The following ATP8A2 variants were observed in gnomAD, a reference collection of about 807,000 sequenced individuals.
The protein encoded by ATP8A2 is ATPase phospholipid transporting 8A2.
In ATP8A2, 100 loss-of-function variants were observed where a neutral mutation model predicts 165.6. The observed-to-expected ratio is 0.60, with a 90% CI of 0.51 to 0.71. ATP8A2 has a LOEUF of 0.71. Ranked by LOEUF, ATP8A2 falls within the 30% of genes least tolerant of loss-of-function variation. The pLI, the probability that ATP8A2 is intolerant of heterozygous loss-of-function variation, is 0.00. For synonymous variants in ATP8A2, 543 were observed against 548.8 expected (o/e 0.99, Z 0.15); for missense variants, 1,227 against 1,479.5 (o/e 0.83, Z 2.80).
intron 27 of ATP8A2, among the ~76,000 whole-genome samples, chr13:25,819,423 GTTA>G (rs1951109566): frequency 6.6e-6 from 1 of 152,058 alleles, no homozygotes; most frequent in South Asian, 2.1e-4. Context: ...TACTACTACT[GTTA>G]TTATTATTCC....
rs34018109 is a variant in ATP8A2 at position 25,551,513 on chromosome 13, G to A, written c.1057+10G>A. 517,718 of 1,590,940 alleles carry A rather than the reference G, an allele frequency of 0.33. 90,510 individuals are homozygous for A. Among genetic ancestry groups the A allele is most frequent in the Non-Finnish European group, 0.36 (422,126 of 1,163,356 alleles). Reference sequence around the variant, plus strand: ...TACATCAAGAAGATGGGTAAGTGTCGGGGTGGGTTGCTTGTTCCAGTGGAA... The same window carrying A: ...TACATCAAGAAGATGGGTAAGTGTCAGGGTGGGTTGCTTGTTCCAGTGGAA... On this transcript the variant is annotated intron_variant, in intron 11 of 36. Coordinates refer to ENST00000381655, the MANE Select transcript of ATP8A2 (RefSeq NM_016529.6).
At chr13:25,570,542 C>G (rs1486408073) in intron 16 of ATP8A2, among the ~76,000 whole-genome samples, 1 of 152,192 alleles carries the variant, frequency 6.6e-6, no homozygotes, top group Non-Finnish European at 1.5e-5. Flanking sequence ...AGCGCAGGAG[C>G]TGCATTCCAA....
intron 33 of ATP8A2, among the ~76,000 whole-genome samples, chr13:25,940,110 T>A (rs1536294): frequency 1.3e-5 from 2 of 151,904 alleles, no homozygotes; most frequent in East Asian, 1.9e-4. Context: ...GCGCTGGCAG[T>A]TGGGCTCTCC....
intron 23 of ATP8A2, among the ~76,000 whole-genome samples, chr13:25,584,542 A>G (rs1185503224): frequency 1.3e-5 from 2 of 152,352 alleles, no homozygotes; most frequent in East Asian, 3.9e-4. Context: ...GGCAAGTGCC[A>G]GGCACTATAC....
At chr13:25,532,797 GCTGGGA>G (rs1306994722) in intron 5 of ATP8A2, among the ~76,000 whole-genome samples, 1 of 151,980 alleles carries the variant, frequency 6.6e-6, no homozygotes, top group Non-Finnish European at 1.5e-5. Context: ...CTCTTGAGTA[GCTGGGA>G]CTACAGGCAA....
chr13:25,983,835 A>T (rs55705099), intron 35 of ATP8A2, among the ~76,000 whole-genome samples: 1 of 152,182 alleles, frequency 6.6e-6, no homozygotes, highest in African/African-American at 2.4e-5. Context: ...AATGTGAAAA[A>T]CATTTTAATA....
intron 16 of ATP8A2, among the ~76,000 whole-genome samples, chr13:25,564,889 G>A (rs528461075): frequency 3.9e-4 from 56 of 144,972 alleles, no homozygotes; most frequent in African/African-American, 1.3e-3. Context: ...AGTCCCCAAA[G>A]TCCGTTGTAT....
intron 1 of ATP8A2, among the ~76,000 whole-genome samples, chr13:25,374,581 G>A (rs192681802): frequency 1.3e-5 from 2 of 152,244 alleles, no homozygotes; most frequent in Admixed American, 6.5e-5. Context: ...GAGAGTAACC[G>A]TGAGAAGCAG....
At chr13:25,625,115 G>A (rs1332929123) in intron 24 of ATP8A2, among the ~76,000 whole-genome samples, 1 of 152,208 alleles carries the variant, frequency 6.6e-6, no homozygotes, top group Non-Finnish European at 1.5e-5. Flanking sequence ...TGGAAGGGAT[G>A]AGAGATTAGT....
intron 1 of ATP8A2, among the ~76,000 whole-genome samples, chr13:25,424,203 C>T (rs1399778507): frequency 6.6e-6 from 1 of 152,202 alleles, no homozygotes; most frequent in Non-Finnish European, 1.5e-5. Context: ...GTTCTCACTG[C>T]ATAAAGTGCT....
At chr13:25,567,772 A>T (rs1417235984) in intron 16 of ATP8A2, among the ~76,000 whole-genome samples, 1 of 152,198 alleles carries the variant, frequency 6.6e-6, no homozygotes. Flanking sequence ...TTGACATTTA[A>T]CATCTAGCTG....
chr13:25,521,253 T>C (rs1009412528), intron 2 of ATP8A2, among the ~76,000 whole-genome samples: 6 of 152,202 alleles, frequency 3.9e-5, no homozygotes, highest in Non-Finnish European at 8.8e-5. Flanking sequence ...GAGCTCCTTA[T>C]TATATTCTGG....
intron 24 of ATP8A2, among the ~76,000 whole-genome samples, chr13:25,597,145 A>G (rs2040256559): frequency 6.6e-6 from 1 of 152,216 alleles, no homozygotes; most frequent in South Asian, 2.1e-4. Context: ...TTTTCTGAAT[A>G]TATAATTTGG....
At chr13:25,606,767 A>T (rs2040527566) in intron 24 of ATP8A2, among the ~76,000 whole-genome samples, 1 of 152,180 alleles carries the variant, frequency 6.6e-6, no homozygotes, top group African/African-American at 2.4e-5. Flanking sequence ...TGTGCTATCC[A>T]TTGTAATAGT....
intron 24 of ATP8A2, among the ~76,000 whole-genome samples, chr13:25,697,561 G>A (rs770043544): frequency 1.8e-4 from 27 of 152,308 alleles, no homozygotes; most frequent in Non-Finnish European, 2.2e-4. Flanking sequence ...GATTATAGGC[G>A]TGAGCCACTG....
chr13:25,516,138 A>C (rs374487201), intron 2 of ATP8A2, among the ~76,000 whole-genome samples: 1 of 152,328 alleles, frequency 6.6e-6, no homozygotes, highest in Admixed American at 6.5e-5. Flanking sequence ...TGTACCAATC[A>C]TCTCAGCTCC....
chr13:25,427,703 G>A (rs1041081241), intron 1 of ATP8A2, among the ~76,000 whole-genome samples: 1 of 151,702 alleles, frequency 6.6e-6, no homozygotes, highest in Non-Finnish European at 1.5e-5. Context: ...AGACCATGCT[G>A]GCCAACATGG....
chr13:25,879,118 CT>C (rs1478047492), intron 33 of ATP8A2, among the ~76,000 whole-genome samples: 3 of 152,242 alleles, frequency 2.0e-5, no homozygotes, highest in African/African-American at 7.2e-5. Flanking sequence ...TTTAAGTCAA[CT>C]CAAAGAATCA....
intron 24 of ATP8A2, among the ~76,000 whole-genome samples, chr13:25,675,705 T>C (rs2042357546): frequency 6.6e-6 from 1 of 152,086 alleles, no homozygotes; most frequent in African/African-American, 2.4e-5. Flanking sequence ...TTTCAGAGAG[T>C]GAACATGTTT....
Sources: allele counts gnomAD v4.1 joint callset (sites outside exome capture counted in the v4.1 genomes callset), GRCh38; gene constraint gnomAD v4.1.1; transcripts MANE v1.5; gene names NCBI Gene and HGNC (gene_info 2026-07-23, HGNC 2026-07-21).